The following SLC44A5 variants were observed in gnomAD, a reference collection of about 807,000 sequenced individuals.
The protein encoded by SLC44A5 is choline transporter-like protein 5.
A neutral mutation model predicts 101.8 loss-of-function variants in SLC44A5; 57 were observed. That is an observed-to-expected ratio of 0.56 (90% CI 0.45 to 0.70). The LOEUF is 0.70. Among genes scored for constraint, SLC44A5 ranks in the 30% least tolerant of loss-of-function variants. The pLI, the probability that SLC44A5 is intolerant of heterozygous loss-of-function variation, is 0.00. For synonymous variants in SLC44A5, 281 were observed against 290.9 expected (o/e 0.97, Z 0.35); for missense variants, 737 against 853.1 (o/e 0.86, Z 1.70).
the SLC44A5 span, among the ~76,000 whole-genome samples, chr1:75,709,127 CTCCTGGTTGAAACTT>C: frequency 1.3e-3 from 192 of 152,282 alleles, no homozygotes; most frequent in African/African-American, 4.2e-3. Context: ...TAACTTGATT[CTCCTGGTTGAAACTT>C]TCCTGGTTCC....
the SLC44A5 span, among the ~76,000 whole-genome samples, chr1:75,635,972 C>T: frequency 6.6e-6 from 1 of 151,794 alleles, no homozygotes; most frequent in African/African-American, 2.4e-5. Context: ...ATTCATAGAT[C>T]GTGTAATTGT....
intron 17 of SLC44A5, 101 bp from the exon 18 acceptor site, chr1:75,218,061 T>C: frequency 1.3e-6 from 1 of 780,204 alleles, no homozygotes; most frequent in Non-Finnish European, 2.1e-6. Context: ...TGCAGAAGGA[T>C]TAACAGCAAA....
chr1:75,494,771 C>T (rs1336721603), intron 2 of SLC44A5, among the ~76,000 whole-genome samples: 1 of 152,206 alleles, frequency 6.6e-6, no homozygotes, highest in Non-Finnish European at 1.5e-5. Context: ...AAATTTTCCA[C>T]AGCTCTCCTC....
intron 1 of SLC44A5, among the ~76,000 whole-genome samples, chr1:75,577,801 T>C (rs894765993): frequency 6.6e-6 from 1 of 152,226 alleles, no homozygotes; most frequent in Non-Finnish European, 1.5e-5. Flanking sequence ...TTCTGGGACA[T>C]TACTGAGTTC....
At chr1:75,586,262 C>T (rs1673984304) in intron 1 of SLC44A5, among the ~76,000 whole-genome samples, 3 of 151,872 alleles carry the variant, frequency 2.0e-5, no homozygotes, top group African/African-American at 7.3e-5. Context: ...GTAACTATAC[C>T]ACCAGCCTCT....
chr1:75,704,653 A>G, the SLC44A5 span, among the ~76,000 whole-genome samples: 1 of 152,162 alleles, frequency 6.6e-6, no homozygotes, highest in Non-Finnish European at 1.5e-5. Flanking sequence ...TATAAAAAGT[A>G]TTGATTTTAT....
At chr1:75,551,554 T>A (rs943187608) in intron 1 of SLC44A5, among the ~76,000 whole-genome samples, 1 of 152,120 alleles carries the variant, frequency 6.6e-6, no homozygotes, top group Non-Finnish European at 1.5e-5. Flanking sequence ...GACGTCTAAA[T>A]TGATGTTCTG....
intron 1 of SLC44A5, among the ~76,000 whole-genome samples, chr1:75,549,314 A>G (rs907698330): frequency 6.6e-6 from 1 of 152,138 alleles, no homozygotes; most frequent in Non-Finnish European, 1.5e-5. Context: ...TTCTTCCTAC[A>G]GAAAGAAAAG....
At position 75,585,413 on chromosome 1, in the gene SLC44A5, T is replaced by G. The variant is rs377602990; in HGVS notation, c.-70+25627A>C. Among the ~76,000 whole-genome samples, 11 of 152,320 alleles carry G rather than the reference T, an allele frequency of 7.2e-5. No homozygotes were observed. The East Asian group carries it at 1.9e-3, about 27-fold the overall frequency. On this transcript the variant is annotated intron_variant, in intron 1 of 23. Coordinates refer to ENST00000370859, the MANE Select transcript of SLC44A5 (RefSeq NM_001130058.2). ...TCAAAAACCATAGTCAAATTATGCATCCTCTCGAAGCCTCAATATTCATGT... is the reference window on the plus strand; with the variant it reads ...TCAAAAACCATAGTCAAATTATGCAGCCTCTCGAAGCCTCAATATTCATGT...
chr1:75,487,885 G>C (rs948474576), intron 2 of SLC44A5, among the ~76,000 whole-genome samples: 6 of 152,212 alleles, frequency 3.9e-5, no homozygotes, highest in African/African-American at 1.4e-4. Context: ...AGGTGAGCCA[G>C]TGAAGCTTCA....
chr1:75,480,731 C>T lies in SLC44A5; in HGVS notation c.13+60704G>A, dbSNP rs529843261. Among the ~76,000 whole-genome samples, 879 of 152,134 alleles carry T rather than the reference C, an allele frequency of 5.8e-3. 4 individuals carry two copies. The highest frequency in any genetic ancestry group is 0.02 in the African/African-American group (842 of 41,476). Reference sequence around the variant, plus strand: ...GGACCTCTTCAAGGAGAACTACAAACCACTGCTCAATGAAATAAAAGAGGA... The same window carrying T: ...GGACCTCTTCAAGGAGAACTACAAATCACTGCTCAATGAAATAAAAGAGGA... On this transcript the variant is annotated intron_variant, in intron 2 of 23. Coordinates refer to ENST00000370859, the MANE Select transcript of SLC44A5 (RefSeq NM_001130058.2).
the SLC44A5 span, among the ~76,000 whole-genome samples, chr1:75,686,366 C>G: frequency 0.01 from 1,559 of 152,260 alleles, 16 homozygotes; most frequent in African/African-American, 0.036. Flanking sequence ...CATGGAAGCC[C>G]TCCTTAATAA....
In SLC44A5 at chr1:75,203,455, T is replaced by C. The variant is rs1646695858; in HGVS notation, c.*272A>G. The C allele has an allele frequency of 7.6e-6, 2 of 264,416 alleles. No homozygotes were observed. The highest frequency in any genetic ancestry group is 1.4e-5 in the Non-Finnish European group (2 of 141,552). The allele number at this position is 264,416 out of a possible 1,614,324, so 16.4% of individuals were successfully genotyped here. A position where few individuals can be genotyped will look rare whatever the true frequency, so the allele number is the denominator to read the frequency against. On this transcript the variant is annotated 3_prime_UTR_variant, in exon 24 of 24. Transcript: ENST00000370859. ...AAAAGAATATTAACATATTCAGTAG[T>C]ATTTTCAAAACATCCAAGCCACTCT...
At chr1:75,634,417 A>G in the SLC44A5 span, among the ~76,000 whole-genome samples, 2 of 152,056 alleles carry the variant, frequency 1.3e-5, no homozygotes, top group Admixed American at 1.3e-4. Flanking sequence ...AAACTATACT[A>G]CAAGGCTACA....
chr1:75,556,866 G>T lies in SLC44A5; in HGVS notation c.-69-15350C>A, dbSNP rs542774568. Among the ~76,000 whole-genome samples, 51 of 152,044 alleles carry T rather than the reference G, an allele frequency of 3.4e-4. 1 individual carries two copies. The highest frequency in any genetic ancestry group is 1.2e-3 in the African/African-American group (49 of 41,510). On this transcript the variant is annotated intron_variant, in intron 1 of 23. Transcript: ENST00000370859. ...TATCTTCTGGAATCACAGGACTCCA[G>T]GTAAAATAAATAAAGAAAGACGGGT... is the stretch of plus-strand genomic sequence containing the variant.
the SLC44A5 span, chr1:75,723,985 G>C: frequency 1.7e-4 from 26 of 152,106 alleles, no homozygotes; most frequent in Admixed American, 9.8e-4. Context: ...AGTGACTCCA[G>C]GTAGAATTCC....
At chr1:75,393,749 GATTA>G (rs1661947641) in intron 3 of SLC44A5, among the ~76,000 whole-genome samples, 1 of 152,182 alleles carries the variant, frequency 6.6e-6, no homozygotes, top group Non-Finnish European at 1.5e-5. Flanking sequence ...AGATTTGTCT[GATTA>G]TTTTGTGGAG....
the SLC44A5 span, among the ~76,000 whole-genome samples, chr1:75,664,935 A>G: frequency 2.0e-5 from 3 of 151,714 alleles, no homozygotes; most frequent in East Asian, 5.8e-4. Context: ...AAAAGAAAAA[A>G]AAAAAAAAAA....
the SLC44A5 span, among the ~76,000 whole-genome samples, chr1:75,660,006 C>A: frequency 6.6e-6 from 1 of 152,116 alleles, no homozygotes; most frequent in Non-Finnish European, 1.5e-5. Context: ...GAGTTAGAGA[C>A]CAGCCTGGGA....
Sources: gnomAD v4.1 joint callset for allele counts (sites outside exome capture counted in the v4.1 genomes callset) on GRCh38, gnomAD v4.1.1 for gene constraint, MANE v1.5 for transcripts, NCBI Gene and HGNC (gene_info 2026-07-23, HGNC 2026-07-21) for gene names.